Variants in KIAA1328 observed in about 807,000 individuals in gnomAD.
The protein encoded by KIAA1328 is protein hinderin.
KIAA1328 carries 52 observed loss-of-function variants against 68.1 expected under a neutral mutation model. That is an observed-to-expected ratio of 0.76 (90% confidence interval 0.61 to 0.96). The LOEUF (loss-of-function observed/expected upper bound fraction) is 0.96. KIAA1328 is among the 40% of genes least tolerant of loss of function. The pLI, the probability that KIAA1328 is intolerant of heterozygous loss-of-function variation, is 0.00. For missense variants in KIAA1328, 641 were observed against 677.6 expected, an observed-to-expected ratio of 0.95 and a Z score of 0.60; for synonymous variants, 232 against 239.4, an observed-to-expected ratio of 0.97 and a Z score of 0.28.
chr18:36,918,452 G>A (rs1240314885), intron 5 of KIAA1328, among the ~76,000 whole-genome samples: 2 of 147,502 alleles, frequency 1.4e-5, no homozygotes, highest in Non-Finnish European at 3.0e-5. Context: ...TTGCTGTGTC[G>A]GCCAGGCTAG....
chr18:37,023,156 C>G (rs1017381349), intron 6 of KIAA1328, among the ~76,000 whole-genome samples: 1 of 152,152 alleles, frequency 6.6e-6, no homozygotes, highest in Non-Finnish European at 1.5e-5. Context: ...TTGGCCTCCC[C>G]AAGTGCTGGG....
intron 6 of KIAA1328, among the ~76,000 whole-genome samples, chr18:36,989,758 G>C (rs371628972): frequency 2.6e-5 from 4 of 151,914 alleles, no homozygotes; most frequent in Admixed American, 2.6e-4. Flanking sequence ...GCAGTGGCAC[G>C]ATCTCGGCTC....
At chr18:37,068,192 A>C (rs186152222) in intron 7 of KIAA1328, among the ~76,000 whole-genome samples, 102 of 152,308 alleles carry the variant, frequency 6.7e-4, no homozygotes, top group Admixed American at 1.5e-3. Flanking sequence ...ATTAAGTAAA[A>C]GCTTGAGATT....
intron 3 of KIAA1328, among the ~76,000 whole-genome samples, chr18:36,836,942 T>C (rs1183783378): frequency 1.3e-5 from 2 of 152,178 alleles, no homozygotes; most frequent in African/African-American, 4.8e-5. Flanking sequence ...TCAAGGTTCA[T>C]CTATTCTGTA....
At chr18:37,053,428 A>G (rs1377782674) in intron 6 of KIAA1328, among the ~76,000 whole-genome samples, 1 of 152,216 alleles carries the variant, frequency 6.6e-6, no homozygotes, top group Admixed American at 6.5e-5. Context: ...TGGCCTAAGC[A>G]AAGAATTTAT....
chr18:36,975,970 G>A (rs2052456230), intron 6 of KIAA1328, among the ~76,000 whole-genome samples: 1 of 152,150 alleles, frequency 6.6e-6, no homozygotes, highest in Non-Finnish European at 1.5e-5. Flanking sequence ...GATTAGGCAT[G>A]TCATGGGATA....
intron 6 of KIAA1328, among the ~76,000 whole-genome samples, chr18:36,962,996 C>CA (rs993469807): frequency 2.6e-4 from 40 of 152,018 alleles, no homozygotes; most frequent in Admixed American, 9.2e-4. Context: ...GATAGAGGCA[C>CA]AAAAAAACCC....
At chr18:37,206,378 A>G (rs768832990) in intron 9 of KIAA1328, among the ~76,000 whole-genome samples, 4 of 152,136 alleles carry the variant, frequency 2.6e-5, no homozygotes, top group Non-Finnish European at 5.9e-5. Flanking sequence ...ATCTATGAGG[A>G]ACATATCTGT....
intron 5 of KIAA1328, among the ~76,000 whole-genome samples, chr18:36,931,998 A>G (rs1598744901): frequency 6.6e-6 from 1 of 152,238 alleles, no homozygotes; most frequent in Admixed American, 6.5e-5. Context: ...CAGGTAAACC[A>G]TATGTACTTA....
At chr18:36,877,508 T>C (rs1245172599) in intron 4 of KIAA1328, among the ~76,000 whole-genome samples, 1 of 144,452 alleles carries the variant, frequency 6.9e-6, no homozygotes, top group African/African-American at 2.8e-5. Flanking sequence ...TGGGTTTTTT[T>C]TGTTGGTTTT....
At chr18:37,019,839 A>G (rs2054279691) in intron 6 of KIAA1328, among the ~76,000 whole-genome samples, 1 of 152,164 alleles carries the variant, frequency 6.6e-6, no homozygotes, top group Non-Finnish European at 1.5e-5. Flanking sequence ...TATGTCCAGG[A>G]AAGGTAAGGT....
chr18:36,832,251 A>G (rs2046517637), intron 1 of KIAA1328, among the ~76,000 whole-genome samples: 1 of 152,200 alleles, frequency 6.6e-6, no homozygotes, highest in Non-Finnish European at 1.5e-5. Flanking sequence ...TTAGAGTTTT[A>G]TATATTTGAA....
downstream of KIAA1328, chr18:37,230,450 A>G (rs879601361): frequency 4.6e-5 from 7 of 152,096 alleles, no homozygotes; most frequent in Non-Finnish European, 8.8e-5. Context: ...TACATCTTTT[A>G]TCACAATACT....
chr18:37,139,497 G>A lies in KIAA1328; in HGVS notation c.1233-20703G>A, dbSNP rs531167128. Reference sequence around the variant, plus strand: ...CATGAATTCTTCCTTTCAAATAGCAGGTGGAATTTAAATGCTAGTTTATGG... The same window carrying A: ...CATGAATTCTTCCTTTCAAATAGCAAGTGGAATTTAAATGCTAGTTTATGG... On this transcript the variant is annotated intron_variant, in intron 7 of 9. Coordinates refer to ENST00000280020, the MANE Select transcript of KIAA1328 (RefSeq NM_020776.3). Among the ~76,000 whole-genome samples, 9 of 152,074 alleles carry A rather than the reference G, an allele frequency of 5.9e-5. No individual in the cohort carries two copies. In the South Asian group the frequency reaches 1.7e-3, roughly 28 times the overall value.
intron 6 of KIAA1328, among the ~76,000 whole-genome samples, chr18:36,999,597 A>G (rs1418832590): frequency 1.3e-5 from 2 of 152,228 alleles, no homozygotes; most frequent in African/African-American, 4.8e-5. Flanking sequence ...TACAAGCTCA[A>G]AGAGAATGGG....
chr18:36,896,050 C>T (rs2048857687), intron 5 of KIAA1328, among the ~76,000 whole-genome samples: 1 of 152,134 alleles, frequency 6.6e-6, no homozygotes, highest in Non-Finnish European at 1.5e-5. Flanking sequence ...GCAGTCTGAG[C>T]AGACTAAGGC....
intron 6 of KIAA1328, among the ~76,000 whole-genome samples, chr18:36,984,869 G>A (rs1181100836): frequency 7.7e-6 from 1 of 129,878 alleles, no homozygotes; most frequent in African/African-American, 3.0e-5. Flanking sequence ...TCACACTACT[G>A]CATTCCAGCC....
chr18:37,172,098 A>G (rs1369102321), intron 8 of KIAA1328, among the ~76,000 whole-genome samples: 1 of 152,164 alleles, frequency 6.6e-6, no homozygotes, highest in African/African-American at 2.4e-5. Flanking sequence ...CACTCCTGGC[A>G]TTTTAGGGTC....
chr18:37,075,852 A>G (rs1419494160), intron 7 of KIAA1328, among the ~76,000 whole-genome samples: 2 of 152,252 alleles, frequency 1.3e-5, no homozygotes, highest in Non-Finnish European at 2.9e-5. Context: ...AGTGACCTAC[A>G]AAGAGACTTA....
Sources: gnomAD v4.1 joint callset for allele counts (sites outside exome capture counted in the v4.1 genomes callset) on GRCh38, gnomAD v4.1.1 for gene constraint, MANE v1.5 for transcripts, NCBI Gene and HGNC (gene_info 2026-07-23, HGNC 2026-07-21) for gene names.